The following ZBTB20 variants were observed in gnomAD, a reference collection of about 807,000 sequenced individuals.
ZBTB20 encodes the protein zinc finger and BTB domain containing 20, also known as zinc finger and BTB domain-containing protein 20.
A neutral mutation model predicts 56.9 loss-of-function variants in ZBTB20; 9 were observed. The ratio of observed to expected loss-of-function variants is 0.16; its 90% CI spans 0.10 to 0.28. The LOEUF is 0.28. Ranked by LOEUF, ZBTB20 falls within the 10% of genes least tolerant of loss-of-function variation. The pLI is 1.00. For missense variants in ZBTB20, 655 were observed against 1,003.0 expected (o/e 0.65, Z 4.69); for synonymous variants, 417 against 420.7 (o/e 0.99, Z 0.11).
At chr3:114,458,706 T>C (rs2092171486) in intron 7 of ZBTB20, among the ~76,000 whole-genome samples, 2 of 151,874 alleles carry the variant, frequency 1.3e-5, no homozygotes, top group South Asian at 2.1e-4. Flanking sequence ...AACCCATTTA[T>C]TAGCTCTGAC....
At chr3:114,544,410 T>C (rs534058114) in intron 6 of ZBTB20, among the ~76,000 whole-genome samples, 1 of 2,526 alleles carries the variant, frequency 4.0e-4, no homozygotes, top group African/African-American at 1.9e-3. Flanking sequence ...AGATTTCTTC[T>C]TTCTTTCTTT....
At chr3:114,607,946 C>A (rs1018037878) in intron 6 of ZBTB20, among the ~76,000 whole-genome samples, 1 of 152,122 alleles carries the variant, frequency 6.6e-6, no homozygotes, top group Non-Finnish European at 1.5e-5. Flanking sequence ...TTTTGTGCAA[C>A]CTCGTAATTC....
intron 6 of ZBTB20, among the ~76,000 whole-genome samples, chr3:114,604,888 A>G (rs993500184): frequency 6.6e-6 from 1 of 152,172 alleles, no homozygotes; most frequent in Admixed American, 6.6e-5. Context: ...GATGATTTCC[A>G]TGTGTTGAGT....
At chr3:115,038,965 C>T (rs1450560731) in intron 2 of ZBTB20, among the ~76,000 whole-genome samples, 1 of 151,748 alleles carries the variant, frequency 6.6e-6, no homozygotes, top group Non-Finnish European at 1.5e-5. Context: ...AGATTATTGC[C>T]TTCTTCTCTG....
chr3:114,754,120 C>T lies in ZBTB20; in HGVS notation c.-343+46981G>A, dbSNP rs115293246. ...GTAACTTGTGGAGCAAAGAGTGCCACGTGAGAGGTGCTTGGGCCCCTTCAT... is the reference window on the plus strand; with the variant it reads ...GTAACTTGTGGAGCAAAGAGTGCCATGTGAGAGGTGCTTGGGCCCCTTCAT... On this transcript the variant is annotated intron_variant, in intron 5 of 11. Coordinates refer to ENST00000675478, the MANE Select transcript of ZBTB20 (RefSeq NM_001348800.3). 7.6e-3 allele frequency among the ~76,000 whole-genome samples: 1,157 copies of T among 152,238 alleles called. 12 individuals carry two copies. The highest frequency in any genetic ancestry group is 0.025 in the African/African-American group (1,044 of 41,538).
intron 5 of ZBTB20, among the ~76,000 whole-genome samples, chr3:114,732,996 C>T (rs1327885161): frequency 6.6e-6 from 1 of 152,006 alleles, no homozygotes; most frequent in Non-Finnish European, 1.5e-5. Flanking sequence ...AATGCTCCAA[C>T]AGGAATGAAA....
chr3:114,563,050 C>A (rs1361099179), intron 6 of ZBTB20, among the ~76,000 whole-genome samples: 2 of 152,080 alleles, frequency 1.3e-5, no homozygotes, highest in Admixed American at 6.5e-5. Flanking sequence ...ATGGTGCCAA[C>A]AGACTCAATA....
chr3:114,559,496 C>A (rs1056631046), intron 6 of ZBTB20, among the ~76,000 whole-genome samples: 1 of 152,044 alleles, frequency 6.6e-6, no homozygotes, highest in Non-Finnish European at 1.5e-5. Flanking sequence ...TGAGGTCCAC[C>A]AATAGGCTTG....
chr3:114,460,037 T>C (rs1235609583), intron 7 of ZBTB20, among the ~76,000 whole-genome samples: 1 of 152,086 alleles, frequency 6.6e-6, no homozygotes, highest in Non-Finnish European at 1.5e-5. Flanking sequence ...AGAGATATTT[T>C]ATCTGACAAG....
chr3:114,985,766 C>T (rs994697677), intron 2 of ZBTB20, among the ~76,000 whole-genome samples: 4 of 152,022 alleles, frequency 2.6e-5, no homozygotes, highest in Non-Finnish European at 5.9e-5. Context: ...CTGACTATAC[C>T]TAGCCTTGAC....
Position 114,325,179 on chromosome 3 carries a change from T to C in ZBTB20, c.*13826A>G, listed in dbSNP as rs2079023628. On this transcript the variant is annotated 3_prime_UTR_variant, in exon 12 of 12. Transcript: ENST00000675478. Reference sequence around the variant, plus strand: ...AAATTACCCTTAATTTATATCTCAATAGGCTCCTCAGGAAAACTGAGGTTC... The same window carrying C: ...AAATTACCCTTAATTTATATCTCAACAGGCTCCTCAGGAAAACTGAGGTTC... The C allele has an allele frequency of 6.6e-6, 1 of 152,148 alleles. No homozygotes were observed. Among genetic ancestry groups the C allele is most frequent in the African/African-American group, 2.4e-5 (1 of 41,426 alleles). The allele number at this position is 152,148 out of a possible 1,614,324, so 9.4% of individuals were successfully genotyped here.
intron 2 of ZBTB20, among the ~76,000 whole-genome samples, chr3:115,045,842 A>T (rs1196828427): frequency 6.6e-6 from 1 of 152,050 alleles, no homozygotes; most frequent in Non-Finnish European, 1.5e-5. Flanking sequence ...TTTTCTCCTC[A>T]TATTTTAAGA....
At chr3:114,510,577 C>T (rs1185854956) in intron 6 of ZBTB20, among the ~76,000 whole-genome samples, 1 of 151,988 alleles carries the variant, frequency 6.6e-6, no homozygotes, top group East Asian at 1.9e-4. Flanking sequence ...ATTTCTTCCC[C>T]CTCAGTGAGG....
chr3:115,070,722 A>G (rs991506518), intron 2 of ZBTB20, among the ~76,000 whole-genome samples: 2 of 152,110 alleles, frequency 1.3e-5, no homozygotes, highest in African/African-American at 2.4e-5. Flanking sequence ...ACTGACAAAA[A>G]CTAAGAGCAC....
chr3:114,954,030 A>G (rs567150832), intron 3 of ZBTB20, among the ~76,000 whole-genome samples: 3 of 152,258 alleles, frequency 2.0e-5, no homozygotes, highest in South Asian at 4.1e-4. Flanking sequence ...GGGAGGTCAA[A>G]TCTTTGTAAG....
chr3:114,490,037 T>C (rs1385067543), intron 7 of ZBTB20, among the ~76,000 whole-genome samples: 1 of 152,114 alleles, frequency 6.6e-6, no homozygotes, highest in Non-Finnish European at 1.5e-5. Context: ...TAACCTATAG[T>C]ACCCTGGTAC....
chr3:114,935,968 C>T (rs530728168), intron 3 of ZBTB20, among the ~76,000 whole-genome samples: 35 of 152,086 alleles, frequency 2.3e-4, no homozygotes, highest in Non-Finnish European at 3.2e-4. Context: ...GAAAGGGGGG[C>T]TCATTCTAGA....
rs527903338 is a variant in ZBTB20, at chr3:114,490,530, C to T, written c.-255+9822G>A. ...GATCCCGTGCCCGGCCCGCTTCCTTCCTCTTCTTTCCATCCCTCCCTTCTT... is the reference window on the plus strand; with the variant it reads ...GATCCCGTGCCCGGCCCGCTTCCTTTCTCTTCTTTCCATCCCTCCCTTCTT... On this transcript the variant is annotated intron_variant, in intron 7 of 11. Coordinates refer to ENST00000675478, the MANE Select transcript of ZBTB20 (RefSeq NM_001348800.3). Among the ~76,000 whole-genome samples the T allele has an allele frequency of 3.9e-5, 6 of 152,104 alleles. No individual in the cohort carries two copies. The East Asian group carries it at 1.2e-3, about 29-fold the overall frequency.
intron 2 of ZBTB20, among the ~76,000 whole-genome samples, chr3:114,980,283 C>T (rs1005620277): frequency 6.6e-6 from 1 of 151,864 alleles, no homozygotes; most frequent in African/African-American, 2.4e-5. Context: ...ACAATCTAAC[C>T]TGCTTAATTA....
Sources: allele counts gnomAD v4.1 joint callset (sites outside exome capture counted in the v4.1 genomes callset), GRCh38; gene constraint gnomAD v4.1.1; transcripts MANE v1.5; gene names NCBI Gene and HGNC (gene_info 2026-07-23, HGNC 2026-07-21).